Variants in SESTD1 observed in about 807,000 individuals in gnomAD.
SESTD1 encodes the protein SEC14 domain and spectrin repeat-containing protein 1.
Under a neutral mutation model 101.7 loss-of-function variants are expected in SESTD1, and 43 were observed. The observed-to-expected ratio is 0.42, with a 90% CI of 0.33 to 0.55. SESTD1 has a LOEUF of 0.55. Ranked by LOEUF, SESTD1 falls within the 20% of genes least tolerant of loss-of-function variation. The probability of loss-of-function intolerance (pLI) is 0.07; values close to 1 mark genes in which losing one functional copy is unlikely to be tolerated. For missense variants in SESTD1, 647 were observed against 815.1 expected, an observed-to-expected ratio of 0.79 and a Z score of 2.51; for synonymous variants, 283 against 286.8, an observed-to-expected ratio of 0.99 and a Z score of 0.13.
At chr2:179,126,195 A>ATTCTT (rs1413403477) in intron 10 of SESTD1, among the ~76,000 whole-genome samples, 2 of 152,178 alleles carry the variant, frequency 1.3e-5, no homozygotes, top group African/African-American at 4.8e-5. Context: ...CTCATTTTTC[A>ATTCTT]TTCTTTTTTT....
chr2:179,234,069 A>G (rs1020663721), intron 1 of SESTD1, among the ~76,000 whole-genome samples: 2 of 152,196 alleles, frequency 1.3e-5, no homozygotes, highest in African/African-American at 2.4e-5. Context: ...TCCGTAATGC[A>G]GGTGGGCCTC....
intron 1 of SESTD1, among the ~76,000 whole-genome samples, chr2:179,217,383 TCATC>T (rs2046738838): frequency 6.6e-6 from 1 of 152,196 alleles, no homozygotes; most frequent in Non-Finnish European, 1.5e-5. Context: ...GAAAATATGC[TCATC>T]ATCACTGGCC....
intron 1 of SESTD1, among the ~76,000 whole-genome samples, chr2:179,241,049 T>G (rs768126236): frequency 7.3e-5 from 11 of 151,576 alleles, no homozygotes; most frequent in African/African-American, 9.7e-5. Flanking sequence ...AAATGGAAAC[T>G]TTAGAACCAA....
At chr2:179,152,960 A>G (rs1305469497) in intron 5 of SESTD1, among the ~76,000 whole-genome samples, 6 of 152,182 alleles carry the variant, frequency 3.9e-5, no homozygotes, top group Admixed American at 1.3e-4. Flanking sequence ...GGCTCAAAAA[A>G]GCCGAAACTT....
chr2:179,103,189 G>C lies in SESTD1; in HGVS notation c.*6710C>G, dbSNP rs2044309049. On this transcript the variant is annotated 3_prime_UTR_variant, in exon 18 of 18. Coordinates refer to ENST00000428443, the MANE Select transcript of SESTD1 (RefSeq NM_178123.5). Reference sequence around the variant, plus strand: ...AAAGTTTCAGGCATAGGAACCCCTTGAGGAGCTGTCTGGGGCAGACAGGTC... The same window carrying C: ...AAAGTTTCAGGCATAGGAACCCCTTCAGGAGCTGTCTGGGGCAGACAGGTC... The C allele has an allele frequency of 6.6e-6, 1 of 152,116 alleles. No homozygotes were observed. Among genetic ancestry groups the C allele is most frequent in the East Asian group, 1.9e-4 (1 of 5,192 alleles). 9.4% of individuals were successfully genotyped at this position (152,116 alleles called of 1,614,324 possible).
chr2:179,193,647 C>T (rs1037142963), intron 1 of SESTD1, among the ~76,000 whole-genome samples: 1 of 152,156 alleles, frequency 6.6e-6, no homozygotes, highest in African/African-American at 2.4e-5. Flanking sequence ...TTATCTTAGT[C>T]TTCACAACAT....
At chr2:179,144,253 T>A (rs573870621) in intron 8 of SESTD1, among the ~76,000 whole-genome samples, 2 of 152,200 alleles carry the variant, frequency 1.3e-5, no homozygotes, top group South Asian at 4.1e-4. Context: ...CCAAGTAATA[T>A]GTTGTAGGAT....
chr2:179,185,704 A>G (rs1215503524), intron 2 of SESTD1, among the ~76,000 whole-genome samples: 3 of 126,182 alleles, frequency 2.4e-5, no homozygotes, highest in Non-Finnish European at 4.6e-5. Flanking sequence ...AGTATATTAT[A>G]TACAATATAT....
At chr2:179,197,627 A>G (rs1211060867) in intron 1 of SESTD1, among the ~76,000 whole-genome samples, 2 of 152,264 alleles carry the variant, frequency 1.3e-5, no homozygotes, top group African/African-American at 4.8e-5. Context: ...GAAACTCTAC[A>G]AGCCAGAAGA....
chr2:179,198,765 C>A lies in SESTD1; in HGVS notation c.-25-6899G>T, dbSNP rs990084587. On this transcript the variant is annotated intron_variant, in intron 1 of 17. Coordinates refer to ENST00000428443, the MANE Select transcript of SESTD1 (RefSeq NM_178123.5). ...ATGTTCTTTGAAACCAACGAGAACA[C>A]AGACACAACATACCAGAATTTCTGG... Among the ~76,000 whole-genome samples the A allele has an allele frequency of 6.6e-5, 10 of 152,116 alleles. No individual in the cohort carries two copies. In the East Asian group the frequency reaches 9.7e-4, roughly 15 times the overall value.
chr2:179,224,577 G>C (rs1034115699), intron 1 of SESTD1, among the ~76,000 whole-genome samples: 4 of 152,160 alleles, frequency 2.6e-5, no homozygotes, highest in African/African-American at 9.7e-5. Flanking sequence ...GGGGCCGGTT[G>C]CCAGGGAAAT....
intron 8 of SESTD1, 111 bp from the exon 9 acceptor site, chr2:179,143,914 C>A: frequency 9.4e-7 from 1 of 1,069,066 alleles, no homozygotes. Context: ...ACCTACATAT[C>A]TACCAGGTTA....
Position 179,117,529 on chromosome 2 carries a change from T to G in SESTD1, c.1524+3A>C. On this transcript the variant is annotated splice_donor_region_variant and intron_variant, in intron 14 of 17. Transcript: ENST00000428443. ...CTACATAATGTAGCTGACTGCTCCTTACCTGGGCAGCATCTTCTTCACATT... is the reference window on the plus strand; with the variant it reads ...CTACATAATGTAGCTGACTGCTCCTGACCTGGGCAGCATCTTCTTCACATT... 1 of 1,571,056 alleles carries G rather than the reference T, an allele frequency of 6.4e-7. No homozygotes were observed. The highest frequency in any genetic ancestry group is 8.6e-7 in the Non-Finnish European group (1 of 1,165,270).
At chr2:179,174,352 C>G (rs2045974151) in intron 4 of SESTD1, 1 of 422,536 alleles carries the variant, frequency 2.4e-6, no homozygotes, top group Admixed American at 3.5e-5. Flanking sequence ...TGTTAAAATA[C>G]CTATCAGAAA....
At chr2:179,222,490 T>C (rs1217288283) in intron 1 of SESTD1, among the ~76,000 whole-genome samples, 1 of 152,196 alleles carries the variant, frequency 6.6e-6, no homozygotes, top group Non-Finnish European at 1.5e-5. Flanking sequence ...TTACTACCAG[T>C]AACTCCACTG....
intron 5 of SESTD1, among the ~76,000 whole-genome samples, chr2:179,154,496 G>A (rs1359805743): frequency 6.6e-6 from 1 of 152,018 alleles, no homozygotes; most frequent in Non-Finnish European, 1.5e-5. Flanking sequence ...AAGAGATCTA[G>A]ACACTGAACA....
At chr2:179,198,323 C>A (rs537534425) in intron 1 of SESTD1, among the ~76,000 whole-genome samples, 72 of 152,268 alleles carry the variant, frequency 4.7e-4, no homozygotes, top group African/African-American at 1.7e-3. Flanking sequence ...GAGTGACCTA[C>A]AAAGAGACTT....
At chr2:179,224,319 AG>A (rs1230741142) in intron 1 of SESTD1, among the ~76,000 whole-genome samples, 3 of 152,226 alleles carry the variant, frequency 2.0e-5, no homozygotes, top group African/African-American at 7.2e-5. Context: ...ATTTAACAGC[AG>A]AGGAAAACAG....
intron 2 of SESTD1, among the ~76,000 whole-genome samples, chr2:179,185,596 T>C (rs1263695100): frequency 1.5e-5 from 2 of 129,744 alleles, no homozygotes; most frequent in Non-Finnish European, 3.1e-5. Context: ...ATATTGTATA[T>C]TATATACATA....
Sources: allele counts gnomAD v4.1 joint callset (sites outside exome capture counted in the v4.1 genomes callset), GRCh38; gene constraint gnomAD v4.1.1; transcripts MANE v1.5; gene names NCBI Gene and HGNC (gene_info 2026-07-23, HGNC 2026-07-21).